DIDO1: variants seen among roughly 807,000 people sequenced by gnomAD.
DIDO1 encodes death inducer-obliterator 1.
A neutral mutation model predicts 99.4 loss-of-function variants in DIDO1; 16 were observed. That is an observed-to-expected ratio of 0.16 (90% CI 0.11 to 0.24). The LOEUF is 0.24. DIDO1 is among the 10% of genes least tolerant of loss of function. DIDO1 has a pLI of 1.00. For synonymous variants in DIDO1, 1,366 were observed against 1,239.1 expected, an observed-to-expected ratio of 1.10 and a Z score of -2.15; for missense variants, 2,996 against 3,014.0, an observed-to-expected ratio of 0.99 and a Z score of 0.14.
chr20:62,909,037 T>A (rs574931641), intron 4 of DIDO1, among the ~76,000 whole-genome samples: 41 of 152,340 alleles, frequency 2.7e-4, no homozygotes, highest in African/African-American at 8.9e-4. Flanking sequence ...GGCCCAGCCT[T>A]CGGACATCCT....
chr20:62,893,040 T>G, intron 12 of DIDO1, 78 bp from the exon 13 acceptor site: 1 of 1,483,108 alleles, frequency 6.7e-7, no homozygotes, highest in Non-Finnish European at 9.1e-7. Context: ...GCCTTTTTTT[T>G]TTTTGAGACA....
intron 15 of DIDO1, 24 bp from the exon 16 acceptor site, chr20:62,882,438 A>T (rs766300137): frequency 6.3e-7 from 1 of 1,586,074 alleles, no homozygotes; most frequent in Admixed American, 1.8e-5. Flanking sequence ...TATTTGTGCA[A>T]ATTTTAGAAT....
At chr20:62,906,136 G>GT in intron 5 of DIDO1, 36 bp from the exon 6 acceptor site, 1 of 1,585,736 alleles carries the variant, frequency 6.3e-7, no homozygotes, top group Non-Finnish European at 8.6e-7. Context: ...CATTAAAAAG[G>GT]TAAGAAATCA....
chr20:62,904,617 C>T lies in DIDO1; in HGVS notation c.1588+1270G>A, dbSNP rs868572061. 7.1e-4 allele frequency among the ~76,000 whole-genome samples: 108 copies of T among 151,812 alleles called. 1 individual carries two copies. The highest frequency in any genetic ancestry group is 2.5e-3 in the African/African-American group (105 of 41,400). On this transcript the variant is annotated intron_variant, in intron 6 of 15. Transcript: ENST00000395343. ...CCAACATGGTGAAACCCCGTCTCTA[C>T]TAAAAATACAAAAATTAGCCAGGCA... is the stretch of plus-strand genomic sequence containing the variant.
rs1021342728 is a variant in DIDO1, at chr20:62,880,681, G to A, written c.5275C>T (p.His1759Tyr). 1.2e-6 allele frequency: 2 copies of A among 1,612,668 alleles called. No individual in the cohort carries two copies. The highest frequency in any genetic ancestry group is 1.3e-5 in the African/African-American group (1 of 74,948). ...PFQGQREPGP[H>Y]ALGMSGLHGP... ...TGAAGCCCTGACATCCCCAAAGCAT[G>A]AGGTCCAGGTTCCCGCTGACCCTGA... The change falls in exon 16 of 16, where the codon CAT becomes TAT. Residue 1759 changes from histidine to tyrosine, a missense_variant. Transcript: ENST00000395343.
upstream of DIDO1, among the ~76,000 whole-genome samples, chr20:62,929,692 A>AAAAAAAAATATAT: frequency 7.4e-3 from 471 of 63,716 alleles, 15 homozygotes; most frequent in African/African-American, 0.034. Context: ...AAAAAGAAAA[A>AAAAAAAAATATAT]GTGTATATAT....
At chr20:62,889,474 C>G (rs2064355595) in intron 15 of DIDO1, 1 of 985,356 alleles carries the variant, frequency 1.0e-6, no homozygotes. Context: ...GGCTCGCTAT[C>G]TAAGAATCAT....
chr20:62,904,086 A>T (rs953662674), intron 6 of DIDO1, among the ~76,000 whole-genome samples: 9 of 152,218 alleles, frequency 5.9e-5, no homozygotes, highest in Non-Finnish European at 1.2e-4. Context: ...GTTGACACAG[A>T]TGGAAATTAA....
At chr20:62,924,162 T>C (rs1229272996) in intron 1 of DIDO1, among the ~76,000 whole-genome samples, 2 of 152,230 alleles carry the variant, frequency 1.3e-5, no homozygotes, top group African/African-American at 2.4e-5. Context: ...CATTTGATAG[T>C]AGTCATAAAA....
At chr20:62,897,092 C>T (rs2064553317) in intron 6 of DIDO1, 96 bp from the exon 7 acceptor site, 7 of 1,121,776 alleles carry the variant, frequency 6.2e-6, no homozygotes, top group South Asian at 1.6e-5. Context: ...CCTGTAAGTG[C>T]CCACCTGGCA....
At chr20:62,922,048 CAA>C (rs143992140) in intron 1 of DIDO1, among the ~76,000 whole-genome samples, 13,692 of 148,486 alleles carry the variant, frequency 0.092, 954 homozygotes, top group African/African-American at 0.19. Flanking sequence ...TATATACACA[CAA>C]TATATATATA....
intron 1 of DIDO1, among the ~76,000 whole-genome samples, chr20:62,916,125 ATAAT>A (rs1394217012): frequency 3.9e-5 from 6 of 152,232 alleles, no homozygotes; most frequent in African/African-American, 1.4e-4. Flanking sequence ...TTTTGTGTGT[ATAAT>A]TAGTGTGTAA....
Position 62,881,085 on chromosome 20 carries a change from T to C in DIDO1, c.4871A>G (p.Lys1624Arg). Residue 1624 changes from lysine to arginine, a missense_variant, in exon 16 of 16, where the codon AAG becomes AGG. Around this residue, in one of 5 missense-constraint regions of DIDO1, gnomAD observed 1,562 missense variants for 1,412.6 expected, o/e 1.11. Coordinates refer to ENST00000395343, the MANE Select transcript of DIDO1 (RefSeq NM_001193369.2). This position sits in a 1 kb window ranked among gnomAD's most constrained non-coding sequence, Gnocchi z 8.3. The stretch of plus-strand genomic sequence containing the variant: ...GTCCTGCTCGGACCCCGCTGGGGGC[T>C]TTTCGCCCGAAGCCCAGGGGGAAGA... ...PASSPWASGE[K>R]PPAGSEQDGW... 6.2e-7 allele frequency: 1 copy of C among 1,608,232 alleles called. No individual in the cohort carries two copies.
At chr20:62,921,865 A>G (rs916592169) in intron 1 of DIDO1, among the ~76,000 whole-genome samples, 3 of 150,932 alleles carry the variant, frequency 2.0e-5, no homozygotes, top group African/African-American at 7.3e-5. Flanking sequence ...TACCCGCTAT[A>G]TATATATCCA....
chr20:62,937,224 G>A (rs1000085881), intron 1 of DIDO1, among the ~76,000 whole-genome samples: 1 of 152,222 alleles, frequency 6.6e-6, no homozygotes, highest in South Asian at 2.1e-4. Context: ...TCTTCCTTCG[G>A]CTCTATCAAA....
chr20:62,894,342 A>C lies in DIDO1; in HGVS notation c.2572+71T>G. 6.3e-7 allele frequency: 1 copy of C among 1,591,178 alleles called. No homozygotes were observed. The highest frequency in any genetic ancestry group is 8.5e-7 in the Non-Finnish European group (1 of 1,169,968). Reference sequence around the variant, plus strand: ...AAGCTTACGTGCGGTTGCTTTTAGGAGGTTCAGTGATTTTTAACAAAATCA... The same window carrying C: ...AAGCTTACGTGCGGTTGCTTTTAGGCGGTTCAGTGATTTTTAACAAAATCA... On this transcript the variant is annotated intron_variant, in intron 11 of 15. Transcript: ENST00000395343. This position sits in a 1 kb window ranked among gnomAD's most constrained non-coding sequence, Gnocchi z 4.4.
chr20:62,937,569 C>T (rs2065404826), intron 1 of DIDO1, among the ~76,000 whole-genome samples: 1 of 152,240 alleles, frequency 6.6e-6, no homozygotes, highest in Non-Finnish European at 1.5e-5. Context: ...TCAACAACAT[C>T]TCGAGTAAAG....
At chr20:62,899,543 G>A (rs1469521510) in intron 6 of DIDO1, among the ~76,000 whole-genome samples, 3 of 152,224 alleles carry the variant, frequency 2.0e-5, no homozygotes, top group Admixed American at 6.5e-5. Context: ...ATGAGTTTTA[G>A]GGCACTCCCA....
Position 62,881,204 on chromosome 20 carries a change from A to G in DIDO1, c.4752T>C (p.Arg1584=), listed in dbSNP as rs773217556. 27 of 1,606,242 alleles carry G rather than the reference A, an allele frequency of 1.7e-5. No homozygotes were observed. The highest frequency in any genetic ancestry group is 5.1e-6 in the Non-Finnish European group (6 of 1,178,720). Reference sequence around the variant, plus strand: ...TCTCGGGCAGGGCACCCTGGGCACCACGTGCCGAGAGCCTGGAGAGAGGCT... The same window carrying G: ...TCTCGGGCAGGGCACCCTGGGCACCGCGTGCCGAGAGCCTGGAGAGAGGCT... ...EGEPLSRLSA[R]GAQGALPERD... The change falls in exon 16 of 16, where the codon CGT becomes CGC. Residue 1584 remains arginine (R), a synonymous_variant. Transcript: ENST00000395343. This position sits in a 1 kb window ranked among gnomAD's most constrained non-coding sequence, Gnocchi z 8.3.
Sources: allele counts gnomAD v4.1 joint callset (sites outside exome capture counted in the v4.1 genomes callset), GRCh38; gene constraint gnomAD v4.1.1; regional missense constraint gnomAD v4.1.1; non-coding constraint Gnocchi (gnomAD v3.1); transcripts MANE v1.5; gene names NCBI Gene and HGNC (gene_info 2026-07-23, HGNC 2026-07-21).